GRIK2: variants seen among roughly 807,000 people sequenced by gnomAD.
GRIK2 encodes the protein glutamate ionotropic receptor kainate type subunit 2.
GRIK2 carries 32 observed loss-of-function variants against 100.3 expected under a neutral mutation model. The observed-to-expected ratio is 0.32, with a 90% CI of 0.24 to 0.43. The LOEUF (loss-of-function observed/expected upper bound fraction) is 0.43. Among genes scored for constraint, GRIK2 ranks in the 20% least tolerant of loss-of-function variants. The pLI, the probability that GRIK2 is intolerant of heterozygous loss-of-function variation, is 1.00. For missense variants in GRIK2, 843 were observed against 1,114.9 expected, an observed-to-expected ratio of 0.76 and a Z score of 3.47; for synonymous variants, 417 against 389.4, an observed-to-expected ratio of 1.07 and a Z score of -0.83.
chr6:102,063,920 T>C (rs751320946), intron 16 of GRIK2: 1 of 853,666 alleles, frequency 1.2e-6, no homozygotes, highest in East Asian at 2.5e-5. Context: ...TAAATGCAAT[T>C]ATACATGCTA....
intron 14 of GRIK2, among the ~76,000 whole-genome samples, chr6:102,021,594 C>T (rs757424405): frequency 6.6e-6 from 1 of 151,268 alleles, no homozygotes; most frequent in Non-Finnish European, 1.5e-5. Flanking sequence ...GAGGTAATGT[C>T]CTAGAGTTTT....
At chr6:102,051,802 G>A (rs1482586927) in intron 15 of GRIK2, among the ~76,000 whole-genome samples, 2 of 152,132 alleles carry the variant, frequency 1.3e-5, no homozygotes, top group Non-Finnish European at 2.9e-5. Context: ...AATGATGCAT[G>A]TTCTAATAGA....
intron 7 of GRIK2, among the ~76,000 whole-genome samples, chr6:101,789,151 T>G (rs897295821): frequency 6.6e-6 from 1 of 152,194 alleles, no homozygotes. Flanking sequence ...TCCCATTTTG[T>G]AGGTTGCCTG....
chr6:101,410,703 A>T (rs1003882811), intron 2 of GRIK2, among the ~76,000 whole-genome samples: 22 of 152,168 alleles, frequency 1.4e-4, no homozygotes, highest in African/African-American at 5.3e-4. Flanking sequence ...TTAAACTTCA[A>T]TGTATAAATA....
At chr6:102,036,818 G>C (rs1157451650) in intron 15 of GRIK2, among the ~76,000 whole-genome samples, 1 of 151,274 alleles carries the variant, frequency 6.6e-6, no homozygotes. Flanking sequence ...GTAGCAACAG[G>C]AAACTAATTG....
At chr6:101,456,075 G>A (rs1020465769) in intron 2 of GRIK2, among the ~76,000 whole-genome samples, 8 of 150,578 alleles carry the variant, frequency 5.3e-5, no homozygotes, top group African/African-American at 2.0e-4. Flanking sequence ...TGGGGGTCCT[G>A]GTTACCTTTA....
chr6:101,761,612 T>C (rs1777674243), intron 7 of GRIK2, among the ~76,000 whole-genome samples: 1 of 152,142 alleles, frequency 6.6e-6, no homozygotes, highest in African/African-American at 2.4e-5. Flanking sequence ...ATCACTATCT[T>C]ACACAATAAT....
intron 10 of GRIK2, among the ~76,000 whole-genome samples, chr6:101,837,995 C>T (rs772965206): frequency 6.6e-6 from 1 of 152,006 alleles, no homozygotes; most frequent in Non-Finnish European, 1.5e-5. Context: ...TTTTCCCCTT[C>T]TCCCCCAAAG....
chr6:101,840,732 T>C (rs1783438878), intron 10 of GRIK2, among the ~76,000 whole-genome samples: 1 of 152,206 alleles, frequency 6.6e-6, no homozygotes, highest in African/African-American at 2.4e-5. Flanking sequence ...ATCCTATAAA[T>C]TTTATATTCT....
At chr6:101,967,876 C>G (rs540319782) in intron 14 of GRIK2, among the ~76,000 whole-genome samples, 1 of 152,026 alleles carries the variant, frequency 6.6e-6, no homozygotes, top group South Asian at 2.1e-4. Flanking sequence ...AATTTATGCA[C>G]CAACAAGATC....
chr6:101,866,525 A>G (rs1026624326), intron 11 of GRIK2, among the ~76,000 whole-genome samples: 3 of 152,124 alleles, frequency 2.0e-5, no homozygotes, highest in African/African-American at 7.2e-5. Flanking sequence ...AACAAATTTC[A>G]TTAGATATTA....
At chr6:101,892,130 A>T (rs1311464932) in intron 12 of GRIK2, among the ~76,000 whole-genome samples, 1 of 152,094 alleles carries the variant, frequency 6.6e-6, no homozygotes, top group Non-Finnish European at 1.5e-5. Context: ...GTGTCATGAG[A>T]CAACTTCGAG....
At chr6:101,502,269 A>G (rs767927423) in intron 2 of GRIK2, among the ~76,000 whole-genome samples, 3 of 152,192 alleles carry the variant, frequency 2.0e-5, no homozygotes, top group Non-Finnish European at 4.4e-5. Context: ...TGAGTCAGCA[A>G]TATCATTTCT....
chr6:102,019,541 G>C (rs1009721660), intron 14 of GRIK2, among the ~76,000 whole-genome samples: 1 of 152,020 alleles, frequency 6.6e-6, no homozygotes, highest in Non-Finnish European at 1.5e-5. Flanking sequence ...AAGGAGTGCA[G>C]TTGTTTTTCA....
intron 10 of GRIK2, among the ~76,000 whole-genome samples, chr6:101,847,373 T>A: frequency 6.6e-6 from 1 of 152,174 alleles, no homozygotes; most frequent in East Asian, 1.9e-4. Flanking sequence ...AACAGTATAA[T>A]ATTGCAACTC....
intron 2 of GRIK2, among the ~76,000 whole-genome samples, chr6:101,443,670 A>C (rs1314807943): frequency 6.6e-6 from 1 of 152,088 alleles, no homozygotes; most frequent in African/African-American, 2.4e-5. Flanking sequence ...AACTTTTAGT[A>C]GGATACATCT....
intron 7 of GRIK2, among the ~76,000 whole-genome samples, chr6:101,782,968 T>G (rs1779192837): frequency 6.6e-6 from 1 of 151,384 alleles, no homozygotes. Flanking sequence ...ACCATTCTCC[T>G]GCCTCAGCTT....
chr6:101,677,282 A>G (rs1419049553), intron 5 of GRIK2, among the ~76,000 whole-genome samples: 3 of 152,118 alleles, frequency 2.0e-5, no homozygotes, highest in African/African-American at 7.2e-5. Flanking sequence ...CTTTACAGAC[A>G]AACTGAGTCC....
chr6:101,717,700 T>C (rs1583015217), intron 7 of GRIK2, among the ~76,000 whole-genome samples: 1 of 151,942 alleles, frequency 6.6e-6, no homozygotes, highest in East Asian at 1.9e-4. Context: ...GTACTGAATA[T>C]GTACTGAATT....
Sources: allele counts gnomAD v4.1 joint callset (sites outside exome capture counted in the v4.1 genomes callset), GRCh38; gene constraint gnomAD v4.1.1; transcripts MANE v1.5; gene names NCBI Gene and HGNC (gene_info 2026-07-23, HGNC 2026-07-21).